The following CSDE1 variants were observed in gnomAD, a reference collection of about 807,000 sequenced individuals.
CSDE1 encodes the protein cold shock domain containing E1, also known as cold shock domain-containing protein E1.
Under a neutral mutation model 89.3 loss-of-function variants are expected in CSDE1, and 17 were observed. That is an observed-to-expected ratio of 0.19 (90% CI 0.13 to 0.29). The LOEUF is 0.29. Ranked by LOEUF, CSDE1 falls within the 10% of genes least tolerant of loss-of-function variation. The pLI is 1.00. For synonymous variants in CSDE1, 322 were observed against 332.8 expected (o/e 0.97, Z 0.35); for missense variants, 672 against 984.2 (o/e 0.68, Z 4.24).
At chr1:114,738,405 T>TCTC (rs1660525519) in intron 3 of CSDE1, among the ~76,000 whole-genome samples, 1 of 152,150 alleles carries the variant, frequency 6.6e-6, no homozygotes, top group Non-Finnish European at 1.5e-5. Context: ...CATTTACACA[T>TCTC]ACTACAAATG....
intron 15 of CSDE1, 72 bp from the exon 16 acceptor site, chr1:114,724,074 A>C: frequency 6.6e-7 from 1 of 1,515,512 alleles, no homozygotes; most frequent in East Asian, 2.3e-5. Flanking sequence ...AGTAAGCAAA[A>C]AATAACAGCA....
At position 114,751,422 on chromosome 1, in the gene CSDE1, CA is replaced by C. The variant is rs569667149; in HGVS notation, c.-387-1216del. Among the ~76,000 whole-genome samples, 160 of 152,240 alleles carry C rather than the reference CA, an allele frequency of 1.1e-3. 1 individual carries two copies. Among genetic ancestry groups the C allele is most frequent in the Non-Finnish European group, 1.6e-3 (107 of 68,018 alleles). On this transcript the variant is annotated intron_variant, in intron 1 of 19. Coordinates refer to ENST00000358528, the MANE Select transcript of CSDE1 (RefSeq NM_001007553.3). ...AGAGGTCAGAGCTGATTAAATAGCTCAGACCAGAAGAGCCTAATCGCAATCA... is the reference window on the plus strand; with the variant it reads ...AGAGGTCAGAGCTGATTAAATAGCTCGACCAGAAGAGCCTAATCGCAATCA...
chr1:114,752,309 T>C (rs188721010), intron 1 of CSDE1, among the ~76,000 whole-genome samples: 1 of 152,258 alleles, frequency 6.6e-6, no homozygotes, highest in African/African-American at 2.4e-5. Context: ...TTCAGTTATT[T>C]TTCCACCATT....
chr1:114,729,126 TCTCA>T lies in CSDE1; in HGVS notation c.1356+1128_1356+1131del, dbSNP rs1477675194. Among the ~76,000 whole-genome samples, 3 of 151,894 alleles carry T rather than the reference TCTCA, an allele frequency of 2.0e-5. No homozygotes were observed. In the East Asian group the frequency reaches 5.8e-4, roughly 29 times the overall value. Reference sequence around the variant, plus strand: ...CTAAATTTTTTTTTTGGAGACGGAGTCTCACTCAGTCGCCCAGGATGGAGTGCAA... The same window carrying T: ...CTAAATTTTTTTTTTGGAGACGGAGTCTCAGTCGCCCAGGATGGAGTGCAA... On this transcript the variant is annotated intron_variant, in intron 12 of 19. Transcript: ENST00000358528.
intron 16 of CSDE1, 134 bp downstream of exon 16, chr1:114,723,749 T>G (rs1447982785): frequency 4.0e-6 from 5 of 1,235,132 alleles, no homozygotes; most frequent in Admixed American, 1.9e-5. Flanking sequence ...AAAGCAAGCA[T>G]GAGAGAGGTC....
chr1:114,723,902 C>A lies in CSDE1; in HGVS notation c.1854G>T (p.Met618Ile). Residue 618 changes from methionine to isoleucine, a missense_variant, in exon 16 of 20, where the codon ATG becomes ATT. Coordinates refer to ENST00000358528, the MANE Select transcript of CSDE1 (RefSeq NM_001007553.3). ...VDPTQTEYQG[M>I]IEIVEEGDMK... The stretch of plus-strand genomic sequence containing the variant: ...CCTTACCCTCCTCCACAATCTCAAT[C>A]ATTCCTTGGTACTCAGTCTGTGTTG... 1 of 1,614,020 alleles carries A rather than the reference C, an allele frequency of 6.2e-7. No homozygotes were observed. Among genetic ancestry groups the A allele is most frequent in the Non-Finnish European group, 8.5e-7 (1 of 1,179,924 alleles).
chr1:114,722,691 G>C (rs1327286974), intron 16 of CSDE1, among the ~76,000 whole-genome samples: 2 of 152,174 alleles, frequency 1.3e-5, no homozygotes, highest in Non-Finnish European at 2.9e-5. Flanking sequence ...GATGGAAAAG[G>C]AAGTAAAAGC....
intron 1 of CSDE1, among the ~76,000 whole-genome samples, chr1:114,754,941 A>G (rs1184691901): frequency 6.6e-6 from 1 of 152,256 alleles, no homozygotes; most frequent in Non-Finnish European, 1.5e-5. Context: ...TAGACACATC[A>G]GAAAACACCA....
chr1:114,718,103 A>G lies in CSDE1; in HGVS notation c.*66T>C. 1 of 1,552,364 alleles carries G rather than the reference A, an allele frequency of 6.4e-7. No homozygotes were observed. Among genetic ancestry groups the G allele is most frequent in the African/African-American group, 1.4e-5 (1 of 73,760 alleles). On this transcript the variant is annotated 3_prime_UTR_variant, in exon 20 of 20. Coordinates refer to ENST00000358528, the MANE Select transcript of CSDE1 (RefSeq NM_001007553.3). ...GGGAGGGATGAAGAGGGAGATATTC[A>G]GAACCCTTCACCAGATTCCCCCCAA...
At chr1:114,739,036 CTT>C (rs946443475) in intron 3 of CSDE1, among the ~76,000 whole-genome samples, 9 of 141,848 alleles carry the variant, frequency 6.3e-5, no homozygotes, top group East Asian at 2.1e-4. Context: ...TAAGAGGTGA[CTT>C]TTTTTTTTTT....
chr1:114,731,240 T>C (rs894069908), intron 10 of CSDE1, among the ~76,000 whole-genome samples: 1 of 152,150 alleles, frequency 6.6e-6, no homozygotes, highest in African/African-American at 2.4e-5. Context: ...TTGTATTACA[T>C]ACTACATATC....
At position 114,730,535 on chromosome 1, in the gene CSDE1, T is replaced by C; in HGVS notation, c.1164A>G (p.Ala388=). The C allele has an allele frequency of 1.2e-6, 2 of 1,614,126 alleles. No homozygotes were observed. Among genetic ancestry groups the C allele is most frequent in the Non-Finnish European group, 1.7e-6 (2 of 1,180,014 alleles). Residue 388 remains alanine (A), a synonymous_variant, in exon 11 of 20, where the codon GCA becomes GCG. Transcript: ENST00000358528. ...EILDGNQLHI[A]DEVEFTVVPD... ...GAACCACAGTAAACTCTACTTCATC[T>C]GCAATATGGAGCTGGTTCCCATCCA...
intron 12 of CSDE1, 37 bp from the exon 13 acceptor site, chr1:114,727,127 C>T (rs373488597): frequency 7.7e-5 from 111 of 1,443,820 alleles, no homozygotes; most frequent in Non-Finnish European, 9.9e-5. Context: ...TGAAAACAAT[C>T]TCAAGAACAA....
At chr1:114,724,217 A>G (rs1287452728) in intron 15 of CSDE1, 10 of 357,924 alleles carry the variant, frequency 2.8e-5, no homozygotes, top group Admixed American at 2.6e-4. Flanking sequence ...TTTCCTAAAT[A>G]GAATTGTTTA....
chr1:114,717,958 A>G lies in CSDE1; in HGVS notation c.*211T>C. On this transcript the variant is annotated 3_prime_UTR_variant, in exon 20 of 20. Coordinates refer to ENST00000358528, the MANE Select transcript of CSDE1 (RefSeq NM_001007553.3). ...ATAAGGCGCCACCTTAAGTTTTTCC[A>G]GGCTGCAACTGTGCATTATTTAAAA... 1.9e-6 allele frequency: 1 copy of G among 520,206 alleles called. No individual in the cohort carries two copies. The highest frequency in any genetic ancestry group is 3.3e-6 in the Non-Finnish European group (1 of 299,838). The allele number at this position is 520,206 out of a possible 1,614,324, so 32.2% of individuals were successfully genotyped here. A position where few individuals can be genotyped will look rare whatever the true frequency, so the allele number is the denominator to read the frequency against.
intron 15 of CSDE1, 79 bp downstream of exon 15, chr1:114,725,141 AG>A: frequency 1.0e-6 from 1 of 1,003,894 alleles, no homozygotes. Context: ...TAGAATAATT[AG>A]GCCTCATCTC....
chr1:114,741,779 G>A (rs1007503515), intron 2 of CSDE1: 11 of 776,250 alleles, frequency 1.4e-5, no homozygotes, highest in Middle Eastern at 4.0e-4. Flanking sequence ...ATATAAATTA[G>A]ATTTCTATTG....
At chr1:114,744,123 T>C (rs1223008989) in intron 2 of CSDE1, among the ~76,000 whole-genome samples, 1 of 152,162 alleles carries the variant, frequency 6.6e-6, no homozygotes, top group Non-Finnish European at 1.5e-5. Context: ...ACCTTGTTTA[T>C]AAAAAATTAA....
At chr1:114,756,306 T>A (rs2101103235) in intron 1 of CSDE1, among the ~76,000 whole-genome samples, 1 of 152,346 alleles carries the variant, frequency 6.6e-6, no homozygotes, top group Admixed American at 6.5e-5. Context: ...TTCTCTTTTA[T>A]TTTAGTCCCA....
Sources: allele counts gnomAD v4.1 joint callset (sites outside exome capture counted in the v4.1 genomes callset), GRCh38; gene constraint gnomAD v4.1.1; transcripts MANE v1.5; gene names NCBI Gene and HGNC (gene_info 2026-07-23, HGNC 2026-07-21).